Variants in CSMD1 observed in about 807,000 individuals in gnomAD.
The protein encoded by CSMD1 is CUB and sushi domain-containing protein 1.
A neutral mutation model predicts 417.5 loss-of-function variants in CSMD1; 213 were observed. That is an observed-to-expected ratio of 0.51 (90% CI 0.46 to 0.57). The LOEUF (loss-of-function observed/expected upper bound fraction) is 0.57, where lower values mean the gene tolerates loss of function less well. CSMD1 is among the 20% of genes least tolerant of loss of function. CSMD1 has a pLI of 0.00. For missense variants in CSMD1, 6,923 were observed against 4,529.7 expected (o/e 1.53, Z -15.17); for synonymous variants, 2,862 against 1,736.8 (o/e 1.65, Z -16.11).
intron 7 of CSMD1, among the ~76,000 whole-genome samples, chr8:3,696,751 T>A (rs539409283): frequency 5.2e-4 from 79 of 152,320 alleles, no homozygotes; most frequent in African/African-American, 1.8e-3. Context: ...ATAAACTAGA[T>A]GTCAAGAATA....
rs377179445 is a variant in CSMD1 at position 3,641,119 on chromosome 8, A to C, written c.1010-24322T>G. On this transcript the variant is annotated intron_variant, in intron 7 of 69. Transcript: ENST00000635120. ...GCCTTAAGAAAGTTAGACTGAAGTT[A>C]TTGCAGAAGGTGCTCAGACAGACCG... Among the ~76,000 whole-genome samples the C allele has an allele frequency of 1.2e-4, 16 of 136,354 alleles. No homozygotes were observed. In the East Asian group the frequency reaches 3.1e-3, roughly 26 times the overall value. 89.5% of individuals were successfully genotyped at this position (136,354 alleles called of 152,430 possible).
At chr8:3,878,073 A>C (rs892382033) in intron 5 of CSMD1, among the ~76,000 whole-genome samples, 1 of 152,096 alleles carries the variant, frequency 6.6e-6, no homozygotes, top group South Asian at 2.1e-4. Flanking sequence ...GTGGTCATGC[A>C]TTGAACATTT....
intron 1 of CSMD1, among the ~76,000 whole-genome samples, chr8:4,904,528 A>T (rs1805109575): frequency 6.6e-6 from 1 of 152,124 alleles, no homozygotes; most frequent in South Asian, 2.1e-4. Flanking sequence ...TCCAGGTCCT[A>T]CACTGCCCTC....
intron 3 of CSMD1, among the ~76,000 whole-genome samples, chr8:4,192,711 G>T (rs1286877865): frequency 2.6e-5 from 4 of 152,068 alleles, no homozygotes; most frequent in East Asian, 1.9e-4. Flanking sequence ...CAACATGTCG[G>T]GTATGAGGAA....
At chr8:3,892,892 C>T (rs962471881) in intron 5 of CSMD1, among the ~76,000 whole-genome samples, 2 of 151,420 alleles carry the variant, frequency 1.3e-5, no homozygotes, top group Admixed American at 1.3e-4. Context: ...GGATGGCAAG[C>T]GTTGATGTGG....
chr8:4,859,406 A>G (rs11786356), intron 1 of CSMD1, among the ~76,000 whole-genome samples: 29,990 of 152,168 alleles, frequency 0.2, 3,796 homozygotes, highest in Non-Finnish European at 0.28. Context: ...AAAAGAAAAA[A>G]TTGACAAATG....
chr8:4,456,695 G>T (rs577271338), intron 2 of CSMD1, among the ~76,000 whole-genome samples: 3 of 152,102 alleles, frequency 2.0e-5, no homozygotes, highest in East Asian at 3.9e-4. Flanking sequence ...TGGCTCTGGT[G>T]GAAGAAACAG....
At chr8:3,197,243 T>G (rs1004955853) in intron 33 of CSMD1, among the ~76,000 whole-genome samples, 1 of 96,396 alleles carries the variant, frequency 1.0e-5, no homozygotes, top group Admixed American at 1.0e-4. Context: ...AGTCACACGT[T>G]TTTTTGCACA....
At chr8:4,106,858 C>T (rs58803742) in intron 3 of CSMD1, among the ~76,000 whole-genome samples, 20,806 of 152,082 alleles carry the variant, frequency 0.14, 1,938 homozygotes, top group African/African-American at 0.26. Flanking sequence ...AGAAAAACTG[C>T]CCCGCATTTC....
intron 7 of CSMD1, among the ~76,000 whole-genome samples, chr8:3,657,826 C>T (rs1425402316): frequency 2.0e-5 from 3 of 152,084 alleles, no homozygotes; most frequent in South Asian, 4.2e-4. Flanking sequence ...CACATGTACC[C>T]CAGAACTTGA....
At chr8:4,966,620 G>C (rs897138981) in intron 1 of CSMD1, among the ~76,000 whole-genome samples, 1 of 152,090 alleles carries the variant, frequency 6.6e-6, no homozygotes, top group East Asian at 1.9e-4. Context: ...TCTTAGGTAG[G>C]TTCACCCTGT....
intron 5 of CSMD1, among the ~76,000 whole-genome samples, chr8:3,870,579 A>G (rs1024479721): frequency 2.6e-5 from 4 of 152,200 alleles, no homozygotes; most frequent in African/African-American, 7.2e-5. Flanking sequence ...ACTATTTGTA[A>G]CAGAGGATCT....
At chr8:4,641,844 A>T (rs1187864080) in intron 1 of CSMD1, among the ~76,000 whole-genome samples, 1 of 152,236 alleles carries the variant, frequency 6.6e-6, no homozygotes, top group African/African-American at 2.4e-5. Context: ...ATCAATGCCC[A>T]TTGAAGGAAA....
intron 10 of CSMD1, among the ~76,000 whole-genome samples, chr8:3,517,156 C>A (rs564675431): frequency 2.6e-5 from 4 of 152,300 alleles, no homozygotes; most frequent in East Asian, 1.9e-4. Context: ...GCTCCTCATG[C>A]TCATCCCTTC....
At position 2,938,664 on chromosome 8, in the gene CSMD1, T is replaced by A; in HGVS notation, c.10616A>T (p.Tyr3539Phe). The change falls in exon 70 of 70, where the codon TAT becomes TTT. Residue 3539 changes from tyrosine to phenylalanine, a missense_variant. By Grantham distance (22) the Tyr-to-Phe change is conservative. Transcript: ENST00000635120. ...NGQASFENPM[Y>F]DTNLKPTEAK... is the part of the protein sequence containing the mutation. Reference sequence around the variant, plus strand: ...TTCTGTGGGTTTTAAGTTTGTATCATACATGGGGTTTTCAAACGATGCTTG... The same window carrying A: ...TTCTGTGGGTTTTAAGTTTGTATCAAACATGGGGTTTTCAAACGATGCTTG... 6.2e-7 allele frequency: 1 copy of A among 1,611,746 alleles called. No homozygotes were observed. The highest frequency in any genetic ancestry group is 8.5e-7 in the Non-Finnish European group (1 of 1,178,862).
At chr8:3,869,440 C>T (rs1805328552) in intron 5 of CSMD1, among the ~76,000 whole-genome samples, 1 of 152,166 alleles carries the variant, frequency 6.6e-6, no homozygotes, top group Non-Finnish European at 1.5e-5. Flanking sequence ...GTCCTGCCTT[C>T]ATAAAGCGTG....
In CSMD1 at chr8:4,182,232, A is replaced by G. The variant is rs868597794; in HGVS notation, c.416-150133T>C. 2.6e-5 allele frequency among the ~76,000 whole-genome samples: 4 copies of G among 152,178 alleles called. No homozygotes were observed. In the East Asian group the frequency reaches 5.8e-4, roughly 22 times the overall value. On this transcript the variant is annotated intron_variant, in intron 3 of 69. Transcript: ENST00000635120. ...TCAGTTTACTTTAAACTTATGATAC[A>G]TAAGAAAAAAACGGAATATATCTAG... is the stretch of plus-strand genomic sequence containing the variant.
intron 26 of CSMD1, among the ~76,000 whole-genome samples, chr8:3,273,557 G>C (rs1164348624): frequency 6.6e-6 from 1 of 152,142 alleles, no homozygotes; most frequent in Non-Finnish European, 1.5e-5. Flanking sequence ...GAGTCCATCT[G>C]GTCCTGCACT....
chr8:3,983,664 T>C (rs1402541393), intron 5 of CSMD1, among the ~76,000 whole-genome samples: 1 of 152,196 alleles, frequency 6.6e-6, no homozygotes, highest in Non-Finnish European at 1.5e-5. Context: ...AGAGATCATG[T>C]GGAGTGTATT....
Sources: gnomAD v4.1 joint callset for allele counts (sites outside exome capture counted in the v4.1 genomes callset) on GRCh38, gnomAD v4.1.1 for gene constraint, MANE v1.5 for transcripts, NCBI Gene and HGNC (gene_info 2026-07-23, HGNC 2026-07-21) for gene names.